The following ST6GALNAC3 variants were observed in gnomAD, a reference collection of about 807,000 sequenced individuals.
ST6GALNAC3 encodes the protein alpha-N-acetylgalactosaminide alpha-2,6-sialyltransferase 3.
In ST6GALNAC3, 25 loss-of-function variants were observed where a neutral mutation model predicts 32.7. The ratio of observed to expected loss-of-function variants is 0.76; its 90% CI spans 0.56 to 1.07. ST6GALNAC3 has a LOEUF of 1.07. Among genes scored for constraint, ST6GALNAC3 ranks in the 50% least tolerant of loss-of-function variants. The pLI, the probability that ST6GALNAC3 is intolerant of heterozygous loss-of-function variation, is 0.00. For synonymous variants in ST6GALNAC3, 129 were observed against 133.1 expected (o/e 0.97, Z 0.21); for missense variants, 355 against 382.4 (o/e 0.93, Z 0.60).
intron 1 of ST6GALNAC3, among the ~76,000 whole-genome samples, chr1:76,075,384 G>A (rs1646800604): frequency 6.6e-6 from 1 of 152,042 alleles, no homozygotes; most frequent in Admixed American, 6.5e-5. Flanking sequence ...TAGTCCCTTA[G>A]GAATGAGTTT....
At chr1:76,134,519 T>G (rs1202227913) in intron 1 of ST6GALNAC3, among the ~76,000 whole-genome samples, 1 of 152,214 alleles carries the variant, frequency 6.6e-6, no homozygotes, top group Non-Finnish European at 1.5e-5. Flanking sequence ...GGTTTAACCA[T>G]GGGTTAGGAG....
intron 1 of ST6GALNAC3, among the ~76,000 whole-genome samples, chr1:76,105,865 C>A (rs1222817885): frequency 6.6e-6 from 1 of 152,136 alleles, no homozygotes; most frequent in East Asian, 1.9e-4. Flanking sequence ...AAATAATTTT[C>A]TTACTCTTTT....
chr1:76,095,395 A>G (rs953155650), intron 1 of ST6GALNAC3, among the ~76,000 whole-genome samples: 7 of 152,194 alleles, frequency 4.6e-5, no homozygotes, highest in African/African-American at 1.7e-4. Context: ...TAGCATTTCA[A>G]ACCTGGAGGG....
chr1:76,074,901 G>A lies in ST6GALNAC3; in HGVS notation c.18+17G>A, dbSNP rs776680175. On this transcript the variant is annotated intron_variant, in intron 1 of 4. Coordinates refer to ENST00000328299, the MANE Select transcript of ST6GALNAC3 (RefSeq NM_152996.4). ...ATCCTGAAGGTAACGACTTGGATCT[G>A]TGGCTCGGACGCGTGGTTGGCCAGC... is the stretch of plus-strand genomic sequence containing the variant. 6.3e-7 allele frequency: 1 copy of A among 1,588,060 alleles called. No homozygotes were observed. The highest frequency in any genetic ancestry group is 8.6e-7 in the Non-Finnish European group (1 of 1,167,920).
chr1:76,346,845 T>C (rs1308011187), intron 2 of ST6GALNAC3, among the ~76,000 whole-genome samples: 1 of 152,190 alleles, frequency 6.6e-6, no homozygotes, highest in Non-Finnish European at 1.5e-5. Context: ...CTTAGCATAG[T>C]CCCTGGCTCA....
chr1:76,283,201 T>C (rs1425210559), intron 1 of ST6GALNAC3, among the ~76,000 whole-genome samples: 1 of 152,150 alleles, frequency 6.6e-6, no homozygotes, highest in Non-Finnish European at 1.5e-5. Context: ...TGTTTGTTTG[T>C]TTGTTTCTAT....
chr1:76,391,040 C>T (rs536036407), intron 2 of ST6GALNAC3, among the ~76,000 whole-genome samples: 35 of 151,070 alleles, frequency 2.3e-4, no homozygotes, highest in South Asian at 8.5e-4. Flanking sequence ...CCCAGGATCA[C>T]GCCATTCTCC....
chr1:76,616,150 C>A (rs1199671472), intron 3 of ST6GALNAC3, among the ~76,000 whole-genome samples: 26 of 152,086 alleles, frequency 1.7e-4, no homozygotes, highest in Admixed American at 1.7e-3. Flanking sequence ...AGATTGCCAG[C>A]CGAACTGTGT....
At chr1:76,612,609 C>T (rs899294648) in intron 3 of ST6GALNAC3, among the ~76,000 whole-genome samples, 2 of 152,106 alleles carry the variant, frequency 1.3e-5, no homozygotes, top group South Asian at 4.2e-4. Context: ...GGAAACAGTA[C>T]TTAAAACCAT....
At chr1:76,596,057 G>A (rs570873723) in intron 3 of ST6GALNAC3, among the ~76,000 whole-genome samples, 5 of 152,112 alleles carry the variant, frequency 3.3e-5, no homozygotes, top group Admixed American at 1.3e-4. Context: ...TATAATGCGC[G>A]GCCAAGGCTG....
At chr1:76,228,427 T>C (rs1239137404) in intron 1 of ST6GALNAC3, among the ~76,000 whole-genome samples, 1 of 152,192 alleles carries the variant, frequency 6.6e-6, no homozygotes, top group African/African-American at 2.4e-5. Flanking sequence ...AGGTTAATTC[T>C]TAGGTGGCCC....
intron 1 of ST6GALNAC3, among the ~76,000 whole-genome samples, chr1:76,104,390 G>A (rs932871355): frequency 6.6e-6 from 1 of 152,128 alleles, no homozygotes; most frequent in Non-Finnish European, 1.5e-5. Flanking sequence ...CTCTGCAAGG[G>A]CCTCTTAGTT....
At chr1:76,553,683 C>T (rs1664762508) in intron 3 of ST6GALNAC3, among the ~76,000 whole-genome samples, 1 of 151,794 alleles carries the variant, frequency 6.6e-6, no homozygotes, top group Non-Finnish European at 1.5e-5. Flanking sequence ...TCTATTTTTA[C>T]TCGTCTTTAG....
At chr1:76,396,663 A>T (rs1242888770) in intron 2 of ST6GALNAC3, among the ~76,000 whole-genome samples, 6 of 152,128 alleles carry the variant, frequency 3.9e-5, no homozygotes, top group Admixed American at 3.3e-4. Context: ...AATTTGTTGA[A>T]ATTTGCTTTG....
At chr1:76,407,082 C>T (rs1653886681) in intron 2 of ST6GALNAC3, among the ~76,000 whole-genome samples, 1 of 151,942 alleles carries the variant, frequency 6.6e-6, no homozygotes, top group African/African-American at 2.4e-5. Context: ...ATAATCAAGT[C>T]ATTTTTTCCT....
At chr1:76,451,699 C>A (rs924112529) in intron 3 of ST6GALNAC3, among the ~76,000 whole-genome samples, 2 of 152,078 alleles carry the variant, frequency 1.3e-5, no homozygotes, top group South Asian at 2.1e-4. Flanking sequence ...GGGTTGAGTT[C>A]TTGATTTGAT....
intron 2 of ST6GALNAC3, among the ~76,000 whole-genome samples, chr1:76,354,850 T>C (rs1162430751): frequency 1.3e-5 from 2 of 152,212 alleles, no homozygotes; most frequent in Non-Finnish European, 2.9e-5. Context: ...TTTTCTTTTC[T>C]ATTATGGTCA....
chr1:76,271,010 T>C (rs186927248), intron 1 of ST6GALNAC3, among the ~76,000 whole-genome samples: 248 of 152,334 alleles, frequency 1.6e-3, no homozygotes, highest in Admixed American at 3.5e-3. Context: ...GATGATACCA[T>C]GGAACTTTGA....
At chr1:76,410,106 G>A (rs548835115) in intron 2 of ST6GALNAC3, among the ~76,000 whole-genome samples, 1 of 152,024 alleles carries the variant, frequency 6.6e-6, no homozygotes, top group African/African-American at 2.4e-5. Context: ...CTGTTAAAAT[G>A]TAACTCAGCT....
Sources: allele counts gnomAD v4.1 joint callset (sites outside exome capture counted in the v4.1 genomes callset), GRCh38; gene constraint gnomAD v4.1.1; transcripts MANE v1.5; gene names NCBI Gene and HGNC (gene_info 2026-07-23, HGNC 2026-07-21).